The following NDUFS4 variants were observed in gnomAD, a reference collection of about 807,000 sequenced individuals.
NDUFS4 encodes the protein NADH dehydrogenase [ubiquinone] iron-sulfur protein 4, mitochondrial.
A neutral mutation model predicts 24.3 loss-of-function variants in NDUFS4; 28 were observed. The ratio of observed to expected loss-of-function variants is 1.15; its 90% confidence interval spans 0.85 to 1.58. The LOEUF is 1.58. Among genes scored for constraint, NDUFS4 ranks in the 40% most tolerant of loss-of-function variants. The pLI is 0.00. For missense variants in NDUFS4, 223 were observed against 207.9 expected, an observed-to-expected ratio of 1.07 and a Z score of -0.45; for synonymous variants, 93 against 69.7, an observed-to-expected ratio of 1.34 and a Z score of -1.67.
At chr5:53,628,051 G>A (rs1309012994) in intron 2 of NDUFS4, among the ~76,000 whole-genome samples, 9 of 152,096 alleles carry the variant, frequency 5.9e-5, no homozygotes, top group African/African-American at 1.4e-4. Context: ...TTTGAGATAC[G>A]TTCCATAATA....
At chr5:53,619,053 G>A (rs991703892) in intron 2 of NDUFS4, among the ~76,000 whole-genome samples, 12 of 151,936 alleles carry the variant, frequency 7.9e-5, no homozygotes, top group Non-Finnish European at 1.5e-4. Flanking sequence ...GGCGGAGGTT[G>A]CAGTGAGCTA....
At chr5:53,628,545 C>T (rs1751299625) in intron 2 of NDUFS4, among the ~76,000 whole-genome samples, 1 of 151,938 alleles carries the variant, frequency 6.6e-6, no homozygotes, top group Non-Finnish European at 1.5e-5. Flanking sequence ...ATTATTGCCC[C>T]AATTTTAGAA....
At chr5:53,682,981 T>C (rs767766681) in intron 4 of NDUFS4, 137 bp from the exon 5 acceptor site, 6 of 747,438 alleles carry the variant, frequency 8.0e-6, no homozygotes, top group Non-Finnish European at 1.5e-5. Context: ...TAAGTATATC[T>C]CAGATGTGTT....
chr5:53,609,729 C>G (rs905807655), intron 2 of NDUFS4, among the ~76,000 whole-genome samples: 1 of 152,180 alleles, frequency 6.6e-6, no homozygotes. Context: ...GTTATCTTAT[C>G]TAGATCTTCT....
rs369007415 is a variant in NDUFS4, at chr5:53,593,830, G to C, written c.99-9622G>C. The stretch of plus-strand genomic sequence containing the variant: ...TGAGTTATTTAGAAGTGTATTGTTT[G>C]ATCTCCAAGTAATTGGAGATTTTCT... On this transcript the variant is annotated intron_variant, in intron 1 of 4. Transcript: ENST00000296684. Among the ~76,000 whole-genome samples the C allele has an allele frequency of 5.7e-4, 87 of 152,084 alleles. 1 individual carries two copies. In the South Asian group the frequency reaches 9.3e-3, roughly 16 times the overall value.
intron 3 of NDUFS4, among the ~76,000 whole-genome samples, chr5:53,652,279 A>G (rs1204353709): frequency 3.3e-5 from 5 of 151,352 alleles, no homozygotes; most frequent in Non-Finnish European, 7.4e-5. Flanking sequence ...TTTTTTTGCT[A>G]TCTTGCTGTT....
chr5:53,613,735 A>T (rs1164630729), intron 2 of NDUFS4, among the ~76,000 whole-genome samples: 1 of 151,544 alleles, frequency 6.6e-6, no homozygotes, highest in African/African-American at 2.4e-5. Context: ...AGGAAGCAGT[A>T]ATGACTAGTG....
chr5:53,594,174 C>T (rs891436717), intron 1 of NDUFS4, among the ~76,000 whole-genome samples: 3 of 152,078 alleles, frequency 2.0e-5, no homozygotes, highest in Admixed American at 2.0e-4. Context: ...TGCATTTCTC[C>T]TTGTAGTTTC....
intron 1 of NDUFS4, among the ~76,000 whole-genome samples, chr5:53,598,369 A>G (rs1161929207): frequency 6.6e-6 from 1 of 152,204 alleles, no homozygotes; most frequent in Non-Finnish European, 1.5e-5. Flanking sequence ...GTGTATATGT[A>G]TGGTTTTGAA....
At chr5:53,618,835 TG>T (rs1367931069) in intron 2 of NDUFS4, among the ~76,000 whole-genome samples, 1 of 152,068 alleles carries the variant, frequency 6.6e-6, no homozygotes, top group Admixed American at 6.5e-5. Context: ...GGTTTTAGGC[TG>T]GGCACAGTGG....
At chr5:53,568,939 A>C (rs577072762) in intron 1 of NDUFS4, among the ~76,000 whole-genome samples, 1 of 152,178 alleles carries the variant, frequency 6.6e-6, no homozygotes, top group Non-Finnish European at 1.5e-5. Flanking sequence ...GGACTCAAAA[A>C]TATGTTTTTT....
chr5:53,576,388 A>G (rs1251716626), intron 1 of NDUFS4, among the ~76,000 whole-genome samples: 1 of 152,226 alleles, frequency 6.6e-6, no homozygotes, highest in Non-Finnish European at 1.5e-5. Context: ...TCAGGGACCT[A>G]AGCTAGAAAG....
chr5:53,608,983 C>T (rs1750614323), intron 2 of NDUFS4, among the ~76,000 whole-genome samples: 3 of 152,144 alleles, frequency 2.0e-5, no homozygotes, highest in Admixed American at 6.5e-5. Flanking sequence ...TAGGTGCTCT[C>T]TGAATATTAC....
intron 4 of NDUFS4, among the ~76,000 whole-genome samples, chr5:53,677,110 A>G (rs1297912321): frequency 6.6e-6 from 1 of 152,220 alleles, no homozygotes; most frequent in Non-Finnish European, 1.5e-5. Context: ...TTTCAGATAT[A>G]CTTTTGGAAC....
At chr5:53,671,747 G>A (rs1450978202) in intron 4 of NDUFS4, among the ~76,000 whole-genome samples, 1 of 152,154 alleles carries the variant, frequency 6.6e-6, no homozygotes, top group African/African-American at 2.4e-5. Flanking sequence ...GTAGAAGACA[G>A]CTGTGGAAAA....
At chr5:53,604,339 C>T (rs568768376) in intron 2 of NDUFS4, among the ~76,000 whole-genome samples, 4 of 152,292 alleles carry the variant, frequency 2.6e-5, no homozygotes, top group South Asian at 2.1e-4. Flanking sequence ...TAATAGGTCA[C>T]ACTTAAATTT....
chr5:53,667,568 G>C (rs1424117305), intron 4 of NDUFS4, among the ~76,000 whole-genome samples: 1 of 151,846 alleles, frequency 6.6e-6, no homozygotes, highest in African/African-American at 2.4e-5. Context: ...GCCCCTCTTG[G>C]GTAGGTAAAT....
At chr5:53,608,974 A>C (rs181178512) in intron 2 of NDUFS4, among the ~76,000 whole-genome samples, 395 of 152,342 alleles carry the variant, frequency 2.6e-3, no homozygotes, top group African/African-American at 8.8e-3. Flanking sequence ...TCCATAATCT[A>C]GGTGCTCTCT....
chr5:53,569,281 G>C (rs141410280), intron 1 of NDUFS4, among the ~76,000 whole-genome samples: 34 of 152,272 alleles, frequency 2.2e-4, no homozygotes, highest in African/African-American at 7.7e-4. Context: ...GTACAAATGA[G>C]ATTTGGGGAA....
Sources: gnomAD v4.1 joint callset for allele counts (sites outside exome capture counted in the v4.1 genomes callset) on GRCh38, gnomAD v4.1.1 for gene constraint, MANE v1.5 for transcripts, NCBI Gene and HGNC (gene_info 2026-07-23, HGNC 2026-07-21) for gene names.